The following RALYL variants were observed in gnomAD, a reference collection of about 807,000 sequenced individuals.
RALYL encodes the protein RALY RNA binding protein like.
RALYL carries 29 observed loss-of-function variants against 35.1 expected under a neutral mutation model. That is an observed-to-expected ratio of 0.83 (90% CI 0.61 to 1.13). RALYL has a LOEUF of 1.13. RALYL is among the 50% of genes most tolerant of loss of function. RALYL has a pLI of 0.00. For synonymous variants in RALYL, 120 were observed against 127.6 expected (o/e 0.94, Z 0.40); for missense variants, 359 against 360.4 (o/e 1.00, Z 0.03).
At chr8:84,840,875 T>A (rs941202670) in intron 4 of RALYL, among the ~76,000 whole-genome samples, 1 of 152,074 alleles carries the variant, frequency 6.6e-6, no homozygotes, top group African/African-American at 2.4e-5. Flanking sequence ...CTAAGCTTCA[T>A]AAGTGAAGGA....
At chr8:84,541,916 G>A (rs963508877) in intron 2 of RALYL, among the ~76,000 whole-genome samples, 13 of 151,856 alleles carry the variant, frequency 8.6e-5, no homozygotes, top group African/African-American at 7.2e-5. Context: ...TTTTTCATCC[G>A]TTTTAATTTC....
At chr8:84,615,174 A>C (rs764626115) in intron 2 of RALYL, among the ~76,000 whole-genome samples, 50 of 151,738 alleles carry the variant, frequency 3.3e-4, no homozygotes, top group Non-Finnish European at 6.0e-4. Flanking sequence ...AAATATTTCT[A>C]AAATGAATTG....
chr8:84,835,127 T>C (rs1362262336), intron 4 of RALYL, among the ~76,000 whole-genome samples: 3 of 152,066 alleles, frequency 2.0e-5, no homozygotes, highest in African/African-American at 7.2e-5. Context: ...ATAAATTAGA[T>C]TAAGTTCAAA....
chr8:84,544,423 T>A (rs984535995), intron 2 of RALYL, among the ~76,000 whole-genome samples: 4 of 152,038 alleles, frequency 2.6e-5, no homozygotes, highest in Non-Finnish European at 1.5e-5. Context: ...TTTATCCATG[T>A]CAGATTTTTT....
intron 8 of RALYL, among the ~76,000 whole-genome samples, chr8:84,912,282 A>G (rs1322431889): frequency 1.3e-5 from 2 of 152,092 alleles, no homozygotes; most frequent in Non-Finnish European, 2.9e-5. Flanking sequence ...ATAATGAAAG[A>G]TGCTCCTATC....
intron 2 of RALYL, among the ~76,000 whole-genome samples, chr8:84,698,499 C>T (rs886908979): frequency 2.0e-5 from 3 of 151,912 alleles, no homozygotes; most frequent in South Asian, 2.1e-4. Flanking sequence ...CCCAGTTCAT[C>T]GTTTTTTTAG....
intron 2 of RALYL, among the ~76,000 whole-genome samples, chr8:84,748,554 T>A (rs1809200802): frequency 6.6e-6 from 1 of 152,066 alleles, no homozygotes; most frequent in African/African-American, 2.4e-5. Flanking sequence ...GTCTTGAAAG[T>A]TTTTGAAGCC....
chr8:84,790,259 C>G (rs531280350), intron 3 of RALYL, among the ~76,000 whole-genome samples: 10 of 152,208 alleles, frequency 6.6e-5, no homozygotes, highest in Non-Finnish European at 1.3e-4. Context: ...AGAGCCAAGA[C>G]AGCCAAATTT....
chr8:84,242,922 T>C (rs1189349785), intron 1 of RALYL, among the ~76,000 whole-genome samples: 1 of 152,232 alleles, frequency 6.6e-6, no homozygotes, highest in East Asian at 1.9e-4. Context: ...GCCTGTGCTA[T>C]GTTCTGAATA....
At chr8:84,369,801 A>G (rs1855307626) in intron 1 of RALYL, among the ~76,000 whole-genome samples, 1 of 152,172 alleles carries the variant, frequency 6.6e-6, no homozygotes, top group East Asian at 1.9e-4. Flanking sequence ...GCAGTATATT[A>G]GCCTATAGCA....
chr8:84,254,831 G>A (rs572424476), intron 1 of RALYL, among the ~76,000 whole-genome samples: 2 of 151,416 alleles, frequency 1.3e-5, no homozygotes, highest in East Asian at 1.9e-4. Context: ...GGCTGAAGAC[G>A]AACGGGGAAC....
chr8:84,723,224 G>C (rs574193667), intron 2 of RALYL, among the ~76,000 whole-genome samples: 1 of 152,046 alleles, frequency 6.6e-6, no homozygotes, highest in South Asian at 2.1e-4. Context: ...GCTTAGGCTT[G>C]GTTCAGGCCC....
At chr8:84,380,941 G>A (rs1013847458) in intron 1 of RALYL, among the ~76,000 whole-genome samples, 4 of 151,836 alleles carry the variant, frequency 2.6e-5, no homozygotes, top group Non-Finnish European at 5.9e-5. Flanking sequence ...TGGCAGCTCA[G>A]ACAGAAGCTG....
intron 1 of RALYL, among the ~76,000 whole-genome samples, chr8:84,187,022 C>T (rs1385734134): frequency 2.0e-5 from 3 of 151,866 alleles, no homozygotes; most frequent in African/African-American, 7.3e-5. Context: ...ATCTTTTCAA[C>T]TGCTTACTAA....
chr8:84,560,812 G>A (rs931417853), intron 2 of RALYL, among the ~76,000 whole-genome samples: 6 of 151,812 alleles, frequency 4.0e-5, no homozygotes, highest in Non-Finnish European at 5.9e-5. Context: ...CATTATAAGA[G>A]GAGGTTTCAA....
intron 1 of RALYL, among the ~76,000 whole-genome samples, chr8:84,372,476 A>G (rs971345171): frequency 6.6e-6 from 1 of 152,026 alleles, no homozygotes; most frequent in Admixed American, 6.6e-5. Flanking sequence ...GGCCAGTAGC[A>G]ATTTAAAAAC....
intron 2 of RALYL, among the ~76,000 whole-genome samples, chr8:84,761,310 A>G (rs930598830): frequency 3.9e-5 from 6 of 152,080 alleles, no homozygotes; most frequent in African/African-American, 1.4e-4. Context: ...ATTTTCAGAA[A>G]AATATAACTG....
At chr8:84,743,426 C>T (rs552017748) in intron 2 of RALYL, among the ~76,000 whole-genome samples, 1 of 151,920 alleles carries the variant, frequency 6.6e-6, no homozygotes, top group South Asian at 2.1e-4. Context: ...ATTGTCTTCC[C>T]CTCACCACCA....
chr8:84,355,608 C>T lies in RALYL; in HGVS notation c.-24+171184C>T, dbSNP rs143009562. 7.6e-4 allele frequency among the ~76,000 whole-genome samples: 114 copies of T among 149,882 alleles called. 5 individuals carry two copies. The highest frequency in any genetic ancestry group is 2.6e-3 in the African/African-American group (106 of 40,254). ...TTTGTATTTTAAAATGGTAAGTATG[C>T]GATATAAAGAGAATGTGGTAGAGGG... On this transcript the variant is annotated intron_variant, in intron 1 of 8. Transcript: ENST00000521268.
Sources: gnomAD v4.1 joint callset for allele counts (sites outside exome capture counted in the v4.1 genomes callset) on GRCh38, gnomAD v4.1.1 for gene constraint, MANE v1.5 for transcripts, NCBI Gene and HGNC (gene_info 2026-07-23, HGNC 2026-07-21) for gene names.